Variants in ZNF765 observed in about 807,000 individuals in gnomAD.
ZNF765 encodes the protein zinc finger protein 765.
ZNF765 carries 37 observed loss-of-function variants against 44.7 expected under a neutral mutation model. The observed-to-expected ratio is 0.83, with a 90% confidence interval of 0.64 to 1.09. The LOEUF (loss-of-function observed/expected upper bound fraction) is 1.09. ZNF765 is among the 50% of genes least tolerant of loss of function. ZNF765 has a pLI of 0.00. For synonymous variants in ZNF765, 201 were observed against 213.7 expected (o/e 0.94, Z 0.52); for missense variants, 594 against 626.1 (o/e 0.95, Z 0.55).
At chr19:53,406,357 T>C (rs113010269) in intron 3 of ZNF765, among the ~76,000 whole-genome samples, 7 of 152,104 alleles carry the variant, frequency 4.6e-5, no homozygotes, top group African/African-American at 1.7e-4. Flanking sequence ...CTTATAATGC[T>C]GTGTATTTTT....
At chr19:53,397,844 G>A (rs560200913) in intron 1 of ZNF765, 99 bp from the exon 2 acceptor site, 42 of 1,217,402 alleles carry the variant, frequency 3.4e-5, no homozygotes, top group South Asian at 3.4e-4. Flanking sequence ...ATAGGGGACC[G>A]TATGTCCTCA....
downstream of ZNF765, among the ~76,000 whole-genome samples, chr19:53,414,458 CACACACACACACACACACACACACACA>C (rs1568785920): frequency 3.9e-4 from 7 of 17,898 alleles, 1 homozygote; most frequent in Non-Finnish European, 7.2e-4. Flanking sequence ...CACACACACA[CACACACACACACACACACACACACACA>C]CACACCCCCC....
chr19:53,423,819 T>C (rs896278631), exon 4 of ZNF765: 1 of 159,388 alleles, frequency 6.3e-6, no homozygotes, highest in African/African-American at 2.4e-5. Flanking sequence ...GTGCTGTGCT[T>C]GCCAGCAGGG....
At chr19:53,418,258 G>T (rs538462070) in intron 3 of ZNF765, among the ~76,000 whole-genome samples, 4 of 152,086 alleles carry the variant, frequency 2.6e-5, no homozygotes, top group Non-Finnish European at 1.5e-5. Context: ...AAAATTAGCC[G>T]GGCGTGGTGG....
rs1013733292 is a variant in ZNF765, at chr19:53,409,656, T to C, written c.*529T>C. The C allele has an allele frequency of 9.6e-6, 12 of 1,247,406 alleles. No individual in the cohort carries two copies. In the African/African-American group the frequency reaches 1.6e-4, roughly 17 times the overall value. The allele number at this position is 1,247,406 out of a possible 1,614,324, so 77.3% of individuals were successfully genotyped here. A position where few individuals can be genotyped will look rare whatever the true frequency, so the allele number is the denominator to read the frequency against. On this transcript the variant is annotated 3_prime_UTR_variant, in exon 4 of 4. Transcript: ENST00000396408. ...TGGCAAGACCTTTAGTCAGAACTCA[T>C]ACCTTACACGCCATCGTAGACTTCA...
At chr19:53,401,064 G>A (rs1457339032) in intron 2 of ZNF765, among the ~76,000 whole-genome samples, 1 of 151,364 alleles carries the variant, frequency 6.6e-6, no homozygotes, top group Non-Finnish European at 1.5e-5. Context: ...GCAGTGGTGC[G>A]ATTTCGGATC....
intron 3 of ZNF765, among the ~76,000 whole-genome samples, chr19:53,422,548 G>C (rs2085913455): frequency 6.6e-6 from 1 of 152,052 alleles, no homozygotes; most frequent in Non-Finnish European, 1.5e-5. Context: ...TTTCAGCTGG[G>C]TTTATTTTTA....
In ZNF765 at chr19:53,403,851, AAAAC is replaced by A. The variant is rs1427972218; in HGVS notation, c.142+1663_142+1666del. ...CACGAGACTCTGTCTCAAAAAAAAA[AAAAC>A]AACAACAACAAAATTCCATAACCTG... On this transcript the variant is annotated intron_variant, in intron 3 of 3. Coordinates refer to ENST00000396408, the MANE Select transcript of ZNF765 (RefSeq NM_001040185.3). Among the ~76,000 whole-genome samples the A allele has an allele frequency of 3.2e-3, 494 of 152,080 alleles. 1 individual carries two copies. The highest frequency in any genetic ancestry group is 0.011 in the African/African-American group (462 of 41,484).
chr19:53,415,326 A>G (rs1182398781), downstream of ZNF765, among the ~76,000 whole-genome samples: 14 of 152,130 alleles, frequency 9.2e-5, no homozygotes, highest in Non-Finnish European at 1.5e-5. Context: ...GGTGAAAGCT[A>G]TTGAATTAGA....
intron 3 of ZNF765, among the ~76,000 whole-genome samples, chr19:53,421,584 G>A (rs12974611): frequency 0.46 from 70,506 of 151,796 alleles, 18,079 homozygotes; most frequent in Admixed American, 0.58. Flanking sequence ...GCACGATCCC[G>A]GTTCACTGCT....
At chr19:53,403,582 G>T (rs542727563) in intron 3 of ZNF765, among the ~76,000 whole-genome samples, 1 of 152,122 alleles carries the variant, frequency 6.6e-6, no homozygotes, top group South Asian at 2.1e-4. Flanking sequence ...AGTGGCTCAC[G>T]CCTGTAATCC....
intron 3 of ZNF765, among the ~76,000 whole-genome samples, chr19:53,404,514 G>A (rs953023419): frequency 1.3e-5 from 2 of 151,784 alleles, no homozygotes; most frequent in African/African-American, 4.8e-5. Flanking sequence ...GTGCGGTGGT[G>A]CGATCTTGGC....
chr19:53,406,070 C>G (rs9973282), intron 3 of ZNF765, among the ~76,000 whole-genome samples: 2,457 of 145,876 alleles, frequency 0.017, 80 homozygotes, highest in African/African-American at 0.029. Context: ...CACTCTGTCA[C>G]TCAGCTGGAG....
chr19:53,416,610 G>A (rs1056692190), downstream of ZNF765, among the ~76,000 whole-genome samples: 1 of 151,724 alleles, frequency 6.6e-6, no homozygotes, highest in East Asian at 1.9e-4. Flanking sequence ...GGGATATTTC[G>A]GTTAAGAGAA....
intron 2 of ZNF765, among the ~76,000 whole-genome samples, chr19:53,400,374 A>T (rs1050222500): frequency 6.6e-6 from 1 of 152,058 alleles, no homozygotes; most frequent in South Asian, 2.1e-4. Flanking sequence ...GCCTCTGTGC[A>T]CACCCGCGTT....
Position 53,418,910 on chromosome 19 carries a change from G to GAAAA in ZNF765, c.143-4134_143-4131dup, listed in dbSNP as rs34443506. Among the ~76,000 whole-genome samples the GAAAA allele has an allele frequency of 6.9e-3, 667 of 96,734 alleles. 8 individuals carry two copies. Among genetic ancestry groups the GAAAA allele is most frequent in the Non-Finnish European group, 9.0e-3 (454 of 50,302 alleles). The allele number at this position is 96,734 out of a possible 152,430, so 63.5% of individuals were successfully genotyped here. On this transcript the variant is annotated intron_variant, in intron 3 of 3. Coordinates refer to the ZNF765 transcript ENST00000594030. ...TAAGAGCGAAACTCCGTTGTGGGAG[G>GAAAA]AAAAAAAAAAAAAAAAAAAAAGTCC...
In ZNF765 at chr19:53,408,840, T is replaced by G; in HGVS notation, c.1285T>G (p.Cys429Gly). The change falls in exon 4 of 4, where the codon TGT becomes GGT. Residue 429 changes from cysteine (C) to glycine (G), a missense_variant. This residue lies in a region of ZNF765 where 567 missense variants were observed against 572.6 expected (regional missense o/e 0.99). Transcript: ENST00000396408. ...TFNQQLTLNI[C>G]RLHSGEKPYK... ...CAATCAGCAGTTAACCCTTAACATT[T>G]GTAGACTTCATAGTGGAGAGAAACC... 1.9e-6 allele frequency: 3 copies of G among 1,613,662 alleles called. No homozygotes were observed. Among genetic ancestry groups the G allele is most frequent in the Non-Finnish European group, 2.5e-6 (3 of 1,179,868 alleles).
At chr19:53,407,629 A>G in intron 3 of ZNF765, 69 bp from the exon 4 acceptor site, 4 of 1,208,684 alleles carry the variant, frequency 3.3e-6, no homozygotes, top group South Asian at 1.9e-5. Context: ...TTTGTGTCAT[A>G]TTTACACATT....
intron 3 of ZNF765, among the ~76,000 whole-genome samples, chr19:53,418,051 G>T (rs886086041): frequency 6.6e-6 from 1 of 152,132 alleles, no homozygotes. Context: ...GATGCTACCC[G>T]CGAATTAGTA....
Sources: allele counts gnomAD v4.1 joint callset (sites outside exome capture counted in the v4.1 genomes callset), GRCh38; gene constraint gnomAD v4.1.1; regional missense constraint gnomAD v4.1.1; transcripts MANE v1.5; gene names NCBI Gene and HGNC (gene_info 2026-07-23, HGNC 2026-07-21).